Variants in GAB2 observed in about 807,000 individuals in gnomAD.
GAB2 encodes GRB2-associated-binding protein 2.
A neutral mutation model predicts 65.5 loss-of-function variants in GAB2; 26 were observed. The observed-to-expected ratio is 0.40, with a 90% confidence interval of 0.29 to 0.55. GAB2 has a LOEUF of 0.55. Ranked by LOEUF, GAB2 falls within the 20% of genes least tolerant of loss-of-function variation. The probability of loss-of-function intolerance (pLI) is 0.53; values close to 1 mark genes in which losing one functional copy is unlikely to be tolerated. For missense variants in GAB2, 884 were observed against 875.8 expected (o/e 1.01, Z -0.12); for synonymous variants, 321 against 329.6 (o/e 0.97, Z 0.28).
intron 1 of GAB2, among the ~76,000 whole-genome samples, chr11:78,334,003 T>C (rs1160822955): frequency 2.0e-5 from 3 of 152,218 alleles, no homozygotes; most frequent in African/African-American, 7.2e-5. Flanking sequence ...TCTGAGACCC[T>C]CTTGAGCTGT....
At chr11:78,389,859 T>C (rs1473363286) in intron 1 of GAB2, among the ~76,000 whole-genome samples, 2 of 152,172 alleles carry the variant, frequency 1.3e-5, no homozygotes, top group Non-Finnish European at 2.9e-5. Flanking sequence ...TCTTTTGTTA[T>C]ACCTTTCTCT....
chr11:78,382,452 C>T (rs1053972707), intron 1 of GAB2, among the ~76,000 whole-genome samples: 1 of 151,452 alleles, frequency 6.6e-6, no homozygotes. Context: ...GATCTCGGCT[C>T]ACTGCAAGTG....
chr11:78,239,513 C>A (rs1282084542), intron 3 of GAB2, among the ~76,000 whole-genome samples: 1 of 152,200 alleles, frequency 6.6e-6, no homozygotes, highest in African/African-American at 2.4e-5. Context: ...GCCACCACAC[C>A]TGGCCTCCTG....
At chr11:78,258,375 C>A (rs887653906) in intron 2 of GAB2, among the ~76,000 whole-genome samples, 1 of 152,138 alleles carries the variant, frequency 6.6e-6, no homozygotes, top group Non-Finnish European at 1.5e-5. Flanking sequence ...TTTGGATCAT[C>A]AAAATTGCAA....
chr11:78,286,511 T>G (rs1244918909), intron 1 of GAB2, among the ~76,000 whole-genome samples: 2 of 152,116 alleles, frequency 1.3e-5, no homozygotes, highest in South Asian at 2.1e-4. Context: ...CATCCTGAGA[T>G]TAAGGTCCAA....
chr11:78,280,997 A>T (rs1866319678), intron 1 of GAB2, 96 bp from the exon 2 acceptor site: 1 of 999,926 alleles, frequency 1.0e-6, no homozygotes, highest in Admixed American at 2.2e-5. Flanking sequence ...CCTGTTGCCC[A>T]GGCTGGAGTG....
chr11:78,417,530 C>G (rs1299617947), intron 1 of GAB2, 116 bp downstream of exon 1: 2 of 388,118 alleles, frequency 5.2e-6, no homozygotes, highest in Non-Finnish European at 7.5e-6. Context: ...CGCCCCCGGC[C>G]CCCCGCGGCT....
chr11:78,386,516 TATGTGCACTGG>T (rs1392042426), intron 1 of GAB2, among the ~76,000 whole-genome samples: 1 of 152,148 alleles, frequency 6.6e-6, no homozygotes, highest in Non-Finnish European at 1.5e-5. Context: ...TGACTTTCAT[TATGTGCACTGG>T]ATGGAGGCTT....
At position 78,270,378 on chromosome 11, in the gene GAB2, C is replaced by T. The variant is rs370484923; in HGVS notation, c.376+10223G>A. Among the ~76,000 whole-genome samples, 165 of 151,942 alleles carry T rather than the reference C, an allele frequency of 1.1e-3. 4 individuals carry two copies. In the South Asian group the frequency reaches 0.033, roughly 30 times the overall value. On this transcript the variant is annotated intron_variant, in intron 2 of 9. Transcript: ENST00000361507. ...TAGTCAGTTCTCAGTGATTTATAAA[C>T]CTCTTGCTCCTCCTCTTCCTTCTTG...
At chr11:78,403,361 C>T (rs1315322462) in intron 1 of GAB2, among the ~76,000 whole-genome samples, 2 of 152,136 alleles carry the variant, frequency 1.3e-5, no homozygotes, top group Admixed American at 6.6e-5. Flanking sequence ...AAAATAATCT[C>T]GTCATTTAAA....
chr11:78,385,007 T>C (rs1224487290), intron 1 of GAB2, among the ~76,000 whole-genome samples: 1 of 152,182 alleles, frequency 6.6e-6, no homozygotes, highest in Non-Finnish European at 1.5e-5. Context: ...ATGCAGGATA[T>C]CTATGAGACT....
At chr11:78,356,510 T>A (rs561889754) in intron 1 of GAB2, among the ~76,000 whole-genome samples, 1 of 152,198 alleles carries the variant, frequency 6.6e-6, no homozygotes, top group Non-Finnish European at 1.5e-5. Context: ...CTTTTTAGCA[T>A]CCCAAAAGAA....
At chr11:78,275,150 G>T (rs1299675354) in intron 2 of GAB2, among the ~76,000 whole-genome samples, 1 of 152,142 alleles carries the variant, frequency 6.6e-6, no homozygotes, top group Non-Finnish European at 1.5e-5. Context: ...TTCTCAACAG[G>T]CTCCAGTAAA....
intron 3 of GAB2, among the ~76,000 whole-genome samples, chr11:78,238,206 C>CAAAAAA (rs10541492): frequency 3.2e-3 from 333 of 104,484 alleles, no homozygotes; most frequent in Middle Eastern, 6.4e-3. Flanking sequence ...AGGGAAGAAA[C>CAAAAAA]AAAAAAAAAA....
chr11:78,269,571 T>G (rs1020511300), intron 2 of GAB2, among the ~76,000 whole-genome samples: 7 of 152,188 alleles, frequency 4.6e-5, no homozygotes, highest in African/African-American at 1.7e-4. Context: ...AAGAGCTATT[T>G]GAAGACCCCA....
rs567699709 is a variant in GAB2, at chr11:78,275,721, T to C, written c.376+4880A>G. The stretch of plus-strand genomic sequence containing the variant: ...TCCTTTAAAAAGGCTTAAGAAAATA[T>C]ATAGATGCATATGTGTATATACATA... On this transcript the variant is annotated intron_variant, in intron 2 of 9. Transcript: ENST00000361507. 3.9e-5 allele frequency among the ~76,000 whole-genome samples: 6 copies of C among 152,352 alleles called. No homozygotes were observed. In the East Asian group the frequency reaches 7.7e-4, roughly 20 times the overall value.
At chr11:78,415,815 G>C (rs1007071584) in intron 1 of GAB2, among the ~76,000 whole-genome samples, 1 of 152,206 alleles carries the variant, frequency 6.6e-6, no homozygotes, top group African/African-American at 2.4e-5. Flanking sequence ...CATAGAGTCT[G>C]GGTGAGAGTT....
intron 1 of GAB2, among the ~76,000 whole-genome samples, chr11:78,397,646 A>T (rs565592282): frequency 6.6e-6 from 1 of 152,330 alleles, no homozygotes; most frequent in African/African-American, 2.4e-5. Flanking sequence ...AACCTCACTG[A>T]CCACACTAGA....
At chr11:78,277,579 T>A (rs1866210206) in intron 2 of GAB2, among the ~76,000 whole-genome samples, 2 of 152,358 alleles carry the variant, frequency 1.3e-5, no homozygotes, top group Non-Finnish European at 1.5e-5. Context: ...CGAGTTTAAC[T>A]GGTATTTGGC....
Sources: gnomAD v4.1 joint callset for allele counts (sites outside exome capture counted in the v4.1 genomes callset) on GRCh38, gnomAD v4.1.1 for gene constraint, MANE v1.5 for transcripts, NCBI Gene and HGNC (gene_info 2026-07-23, HGNC 2026-07-21) for gene names.